Variants in ZNF385D observed in about 807,000 individuals in gnomAD.
ZNF385D encodes zinc finger protein 659.
In ZNF385D, 15 loss-of-function variants were observed where a neutral mutation model predicts 35.8. The observed-to-expected ratio is 0.42, with a 90% confidence interval of 0.28 to 0.64. The LOEUF (loss-of-function observed/expected upper bound fraction) is 0.64. ZNF385D is among the 30% of genes least tolerant of loss of function. ZNF385D has a pLI of 0.23. For missense variants in ZNF385D, 474 were observed against 494.6 expected (o/e 0.96, Z 0.39); for synonymous variants, 212 against 186.8 (o/e 1.13, Z -1.10).
intron 2 of ZNF385D, among the ~76,000 whole-genome samples, chr3:21,601,864 A>G (rs1033597659): frequency 6.6e-6 from 1 of 152,138 alleles, no homozygotes; most frequent in African/African-American, 2.4e-5. Context: ...ACATGTCTCC[A>G]ACTGGAGCAC....
intron 2 of ZNF385D, among the ~76,000 whole-genome samples, chr3:22,294,498 G>T (rs968617075): frequency 6.6e-6 from 1 of 152,058 alleles, no homozygotes; most frequent in African/African-American, 2.4e-5. Context: ...ATATCAGTAT[G>T]TATTAGGGAA....
chr3:22,297,139 C>G (rs1702628501), intron 2 of ZNF385D, among the ~76,000 whole-genome samples: 1 of 151,994 alleles, frequency 6.6e-6, no homozygotes, highest in Admixed American at 6.6e-5. Flanking sequence ...TCCTAAGGAC[C>G]TAAAGGTCGC....
chr3:22,355,281 T>A (rs1696098315), intron 2 of ZNF385D, among the ~76,000 whole-genome samples: 1 of 152,096 alleles, frequency 6.6e-6, no homozygotes, highest in South Asian at 2.1e-4. Context: ...ATAAGTTGAT[T>A]CGTTAGATCA....
Position 21,731,306 on chromosome 3 carries a change from T to C in ZNF385D, c.22+19589A>G, listed in dbSNP as rs148313263. 6.6e-5 allele frequency among the ~76,000 whole-genome samples: 10 copies of C among 152,360 alleles called. No individual in the cohort carries two copies. The East Asian group carries it at 1.9e-3, about 29-fold the overall frequency. On this transcript the variant is annotated intron_variant, in intron 1 of 7. Transcript: ENST00000281523. ...TTCATTGGCAATGCATATTTCTTTA[T>C]ATGTAAGGTGTTTGTTCATTTTCTT... is the stretch of plus-strand genomic sequence containing the variant.
rs1369944962 is a variant in ZNF385D, at chr3:22,369,798, T to A, written c.106+2652A>T. 2.0e-5 allele frequency among the ~76,000 whole-genome samples: 3 copies of A among 152,164 alleles called. No individual in the cohort carries two copies. In the East Asian group the frequency reaches 5.8e-4, roughly 29 times the overall value. On this transcript the variant is annotated intron_variant, in intron 2 of 5. Coordinates refer to the ZNF385D transcript ENST00000494108. ...TTATCTTACTTGTTCTTACTCCTAC[T>A]TTTAAAACCTCAAAATCTTTATAGA...
chr3:21,922,555 T>C (rs1244979972), intron 3 of ZNF385D, among the ~76,000 whole-genome samples: 1 of 152,194 alleles, frequency 6.6e-6, no homozygotes, highest in African/African-American at 2.4e-5. Flanking sequence ...TCCTATTCAA[T>C]AAATTGTGTT....
chr3:21,496,278 T>G (rs943673194), intron 4 of ZNF385D, among the ~76,000 whole-genome samples: 1 of 146,938 alleles, frequency 6.8e-6, no homozygotes, highest in African/African-American at 2.5e-5. Flanking sequence ...TATATATATT[T>G]ATTTACATAT....
chr3:22,292,294 T>C (rs1702339426), intron 2 of ZNF385D, among the ~76,000 whole-genome samples: 1 of 152,116 alleles, frequency 6.6e-6, no homozygotes, highest in East Asian at 1.9e-4. Context: ...CTTCAATATA[T>C]GCGAAAACAT....
chr3:22,070,649 G>A (rs1220118290), intron 3 of ZNF385D, among the ~76,000 whole-genome samples: 2 of 151,944 alleles, frequency 1.3e-5, no homozygotes, highest in Non-Finnish European at 2.9e-5. Flanking sequence ...CAGGGTAGAG[G>A]ACATGAGAAA....
At chr3:22,088,603 G>T (rs1000523460) in intron 3 of ZNF385D, among the ~76,000 whole-genome samples, 2 of 152,112 alleles carry the variant, frequency 1.3e-5, no homozygotes, top group Non-Finnish European at 2.9e-5. Flanking sequence ...GAGTGGCACC[G>T]GGAGAACAGA....
intron 3 of ZNF385D, among the ~76,000 whole-genome samples, chr3:21,759,864 T>C (rs1324270608): frequency 6.6e-6 from 1 of 152,206 alleles, no homozygotes; most frequent in East Asian, 1.9e-4. Flanking sequence ...ACATTCCATT[T>C]TTATATATAC....
At chr3:22,247,286 CTA>C (rs901342840) in intron 2 of ZNF385D, among the ~76,000 whole-genome samples, 2 of 151,834 alleles carry the variant, frequency 1.3e-5, no homozygotes, top group East Asian at 1.9e-4. Flanking sequence ...AAAACTAAAA[CTA>C]TTTTTCTTAA....
chr3:21,495,446 G>A (rs1481036790), intron 4 of ZNF385D, among the ~76,000 whole-genome samples: 2 of 152,048 alleles, frequency 1.3e-5, no homozygotes, highest in Non-Finnish European at 2.9e-5. Context: ...CCCTGCTCCT[G>A]AATTACTTTG....
At chr3:22,050,580 G>A (rs1357876663) in intron 3 of ZNF385D, among the ~76,000 whole-genome samples, 1 of 152,116 alleles carries the variant, frequency 6.6e-6, no homozygotes, top group African/African-American at 2.4e-5. Context: ...TAGATTGTAT[G>A]TATTGAACAT....
intron 1 of ZNF385D, among the ~76,000 whole-genome samples, 166 bp downstream of exon 1, chr3:21,750,729 G>C (rs528908363): frequency 1.2e-4 from 18 of 151,896 alleles, no homozygotes; most frequent in African/African-American, 4.1e-4. Context: ...CCCAGTTGTG[G>C]CACAAAGGAA....
At position 22,243,192 on chromosome 3, in the gene ZNF385D, C is replaced by T. The variant is rs1248732786; in HGVS notation, c.107-74157G>A. ...TGCAACCCAATAATAAAAAAACAAA[C>T]AGCCCAATTTAAAAAAATGGGCAAG... On this transcript the variant is annotated intron_variant, in intron 2 of 5. Coordinates refer to the ZNF385D transcript ENST00000494108. Among the ~76,000 whole-genome samples the T allele has an allele frequency of 1.3e-5, 2 of 150,384 alleles. 1 individual carries two copies. The highest frequency in any genetic ancestry group is 1.3e-4 in the Admixed American group (2 of 15,078).
chr3:22,256,271 G>C (rs998349020), intron 2 of ZNF385D, among the ~76,000 whole-genome samples: 2 of 148,308 alleles, frequency 1.3e-5, no homozygotes, highest in Non-Finnish European at 3.0e-5. Context: ...CCTTAGTTTT[G>C]TCCCTCTAGA....
At chr3:21,578,104 C>G (rs1198832146) in intron 2 of ZNF385D, among the ~76,000 whole-genome samples, 1 of 152,126 alleles carries the variant, frequency 6.6e-6, no homozygotes, top group Non-Finnish European at 1.5e-5. Context: ...GTGCAAGCCA[C>G]TGCACCCCAC....
At chr3:22,086,241 T>G (rs1576294435) in intron 3 of ZNF385D, among the ~76,000 whole-genome samples, 1 of 152,274 alleles carries the variant, frequency 6.6e-6, no homozygotes, top group East Asian at 1.9e-4. Context: ...GGTATTCAAT[T>G]AGGAAAAGAG....
Sources: allele counts gnomAD v4.1 joint callset (sites outside exome capture counted in the v4.1 genomes callset), GRCh38; gene constraint gnomAD v4.1.1; transcripts MANE v1.5; gene names NCBI Gene and HGNC (gene_info 2026-07-23, HGNC 2026-07-21).